The following DCLK1 variants were observed in gnomAD, a reference collection of about 807,000 sequenced individuals.
The protein encoded by DCLK1 is doublecortin like kinase 1, also known as serine/threonine-protein kinase DCLK1.
DCLK1 carries 16 observed loss-of-function variants against 86.2 expected under a neutral mutation model. The ratio of observed to expected loss-of-function variants is 0.19; its 90% confidence interval spans 0.13 to 0.28. The LOEUF is 0.28. DCLK1 is among the 10% of genes least tolerant of loss of function. DCLK1 has a pLI of 1.00. For missense variants in DCLK1, 590 were observed against 940.2 expected, an observed-to-expected ratio of 0.63 and a Z score of 4.87; for synonymous variants, 369 against 370.5, an observed-to-expected ratio of 1.00 and a Z score of 0.05.
chr13:35,907,540 C>T (rs1045521572), intron 4 of DCLK1, among the ~76,000 whole-genome samples: 3 of 152,146 alleles, frequency 2.0e-5, no homozygotes, highest in Admixed American at 1.3e-4. Flanking sequence ...TGTGTGTATG[C>T]CCCAAATTGC....
intron 5 of DCLK1, chr13:35,855,715 C>A (rs1871010680): frequency 1.4e-6 from 2 of 1,382,276 alleles, no homozygotes; most frequent in Non-Finnish European, 1.9e-6. Context: ...TGACGTCTCC[C>A]AAGCAGCAGT....
At chr13:36,108,659 C>T (rs1013985660) in intron 3 of DCLK1, among the ~76,000 whole-genome samples, 1 of 152,236 alleles carries the variant, frequency 6.6e-6, no homozygotes, top group Non-Finnish European at 1.5e-5. Flanking sequence ...AACCATCTTC[C>T]TCTCTACGCA....
chr13:36,104,865 A>G (rs757646856), intron 3 of DCLK1, among the ~76,000 whole-genome samples: 1 of 152,194 alleles, frequency 6.6e-6, no homozygotes, highest in Non-Finnish European at 1.5e-5. Context: ...AATGGAAACT[A>G]TGCAAAATGA....
intron 4 of DCLK1, among the ~76,000 whole-genome samples, chr13:35,893,984 A>G (rs189783559): frequency 6.6e-6 from 1 of 152,342 alleles, no homozygotes; most frequent in Non-Finnish European, 1.5e-5. Flanking sequence ...TGAACTTTGT[A>G]TCATGCATAC....
At chr13:35,977,578 G>A (rs1287660696) in intron 3 of DCLK1, among the ~76,000 whole-genome samples, 1 of 150,572 alleles carries the variant, frequency 6.6e-6, no homozygotes, top group Admixed American at 6.6e-5. Flanking sequence ...GTATTCTGAT[G>A]GGTCTAATGG....
At chr13:36,054,146 C>T (rs1883217779) in intron 3 of DCLK1, among the ~76,000 whole-genome samples, 1 of 152,100 alleles carries the variant, frequency 6.6e-6, no homozygotes, top group Non-Finnish European at 1.5e-5. Flanking sequence ...GTTTCATCAC[C>T]AGGATAATGT....
chr13:35,939,693 G>T (rs1329818095), intron 4 of DCLK1, among the ~76,000 whole-genome samples: 1 of 152,164 alleles, frequency 6.6e-6, no homozygotes, highest in Non-Finnish European at 1.5e-5. Context: ...ACCATGCCCG[G>T]CCCTATACTG....
chr13:35,917,434 G>A (rs1000607195), intron 4 of DCLK1, among the ~76,000 whole-genome samples: 2 of 151,870 alleles, frequency 1.3e-5, no homozygotes, highest in African/African-American at 2.4e-5. Context: ...GTGATGCTTC[G>A]GGGGTTGCCA....
intron 4 of DCLK1, among the ~76,000 whole-genome samples, chr13:35,886,618 GC>G (rs769842229): frequency 6.7e-4 from 102 of 152,294 alleles, no homozygotes; most frequent in Admixed American, 5.9e-4. Flanking sequence ...ACTCAGTTAT[GC>G]CTATGGGTTT....
chr13:36,026,324 C>T (rs774879644), intron 3 of DCLK1, among the ~76,000 whole-genome samples: 88 of 152,156 alleles, frequency 5.8e-4, no homozygotes, highest in Non-Finnish European at 2.2e-4. Flanking sequence ...AAGAATTTTA[C>T]ACTTGCAAAG....
chr13:35,809,227 C>T (rs1480226967), intron 12 of DCLK1, 132 bp from the exon 13 acceptor site: 1 of 575,606 alleles, frequency 1.7e-6, no homozygotes, highest in East Asian at 3.1e-5. Flanking sequence ...ACAACAAACG[C>T]TAAACTAAAA....
At chr13:36,008,768 T>G (rs2153147515) in intron 3 of DCLK1, among the ~76,000 whole-genome samples, 1 of 151,612 alleles carries the variant, frequency 6.6e-6, no homozygotes, top group African/African-American at 2.4e-5. Context: ...CAAATGGTAT[T>G]TCTAGTTCTA....
chr13:35,986,949 G>C (rs1368615858), intron 3 of DCLK1, among the ~76,000 whole-genome samples: 1 of 152,180 alleles, frequency 6.6e-6, no homozygotes, highest in Non-Finnish European at 1.5e-5. Context: ...AAGAAAGCCT[G>C]GACGATCATG....
At chr13:36,071,317 A>C (rs1883967282) in intron 3 of DCLK1, among the ~76,000 whole-genome samples, 1 of 152,188 alleles carries the variant, frequency 6.6e-6, no homozygotes. Context: ...ACTTCATTTT[A>C]AATAAATAAA....
intron 3 of DCLK1, among the ~76,000 whole-genome samples, chr13:36,025,644 C>T (rs1179380473): frequency 2.0e-5 from 3 of 152,088 alleles, no homozygotes; most frequent in South Asian, 2.1e-4. Context: ...AACCAAAGGC[C>T]ACATATTGTA....
chr13:35,822,901 A>C, intron 10 of DCLK1, 26 bp from the exon 11 acceptor site: 6 of 1,613,056 alleles, frequency 3.7e-6, no homozygotes, highest in Non-Finnish European at 5.1e-6. Context: ...AAGCTGAAGC[A>C]GCACATTAAC....
chr13:36,075,490 T>C (rs944426331), intron 3 of DCLK1, among the ~76,000 whole-genome samples: 5 of 152,210 alleles, frequency 3.3e-5, no homozygotes, highest in Non-Finnish European at 5.9e-5. Flanking sequence ...CCAACTGCCT[T>C]ATAATTTAGG....
At chr13:35,974,121 T>A (rs986671619) in intron 3 of DCLK1, among the ~76,000 whole-genome samples, 1 of 152,202 alleles carries the variant, frequency 6.6e-6, no homozygotes, top group Non-Finnish European at 1.5e-5. Context: ...TTAGAATAAC[T>A]GCCCAGGAAA....
intron 3 of DCLK1, among the ~76,000 whole-genome samples, chr13:35,970,071 A>G (rs1878992189): frequency 6.6e-6 from 1 of 152,130 alleles, no homozygotes; most frequent in Non-Finnish European, 1.5e-5. Context: ...CAGCCAAATG[A>G]TCTATGACAT....
Sources: allele counts gnomAD v4.1 joint callset (sites outside exome capture counted in the v4.1 genomes callset), GRCh38; gene constraint gnomAD v4.1.1; transcripts MANE v1.5; gene names NCBI Gene and HGNC (gene_info 2026-07-23, HGNC 2026-07-21).